RFX3: variants seen among roughly 807,000 people sequenced by gnomAD.
RFX3 encodes the protein regulatory factor X3.
Under a neutral mutation model 98.6 loss-of-function variants are expected in RFX3, and 14 were observed. That is an observed-to-expected ratio of 0.14 (90% CI 0.09 to 0.22). The LOEUF is 0.22. Ranked by LOEUF, RFX3 falls within the 10% of genes least tolerant of loss-of-function variation. RFX3 has a pLI of 1.00. For synonymous variants in RFX3, 383 were observed against 328.4 expected (o/e 1.17, Z -1.80); for missense variants, 639 against 926.9 (o/e 0.69, Z 4.03).
At chr9:3,327,969 T>C (rs1832121593) in intron 4 of RFX3, among the ~76,000 whole-genome samples, 1 of 152,152 alleles carries the variant, frequency 6.6e-6, no homozygotes, top group South Asian at 2.1e-4. Context: ...ATTAAACAAT[T>C]TGGTTAATTT....
At chr9:3,517,241 C>T (rs1431782669) in intron 1 of RFX3, among the ~76,000 whole-genome samples, 1 of 152,118 alleles carries the variant, frequency 6.6e-6, no homozygotes, top group Non-Finnish European at 1.5e-5. Flanking sequence ...GATGGAGAAA[C>T]TGAGACCTAT....
intron 2 of RFX3, among the ~76,000 whole-genome samples, chr9:3,379,531 T>A (rs1325733208): frequency 2.0e-5 from 3 of 152,094 alleles, no homozygotes; most frequent in Non-Finnish European, 4.4e-5. Flanking sequence ...TAACCTAGAA[T>A]GAAAAAGATC....
chr9:3,460,433 T>A (rs7047337), intron 1 of RFX3, among the ~76,000 whole-genome samples: 334 of 152,130 alleles, frequency 2.2e-3, no homozygotes, highest in African/African-American at 7.6e-3. Context: ...GATTTAATAT[T>A]ATTTTTTAAA....
intron 1 of RFX3, among the ~76,000 whole-genome samples, chr9:3,405,978 A>G (rs559479553): frequency 8.0e-4 from 122 of 152,006 alleles, no homozygotes; most frequent in Non-Finnish European, 1.5e-3. Context: ...TTTTTGAGAC[A>G]AGGTCTCACT....
At chr9:3,501,512 A>G (rs908565443) in intron 1 of RFX3, among the ~76,000 whole-genome samples, 2 of 151,856 alleles carry the variant, frequency 1.3e-5, no homozygotes, top group African/African-American at 4.8e-5. Flanking sequence ...GCCAAGATCA[A>G]TAAGGATGTT....
chr9:3,338,865 A>G (rs1833521292), intron 3 of RFX3, among the ~76,000 whole-genome samples: 1 of 152,324 alleles, frequency 6.6e-6, no homozygotes, highest in South Asian at 2.1e-4. Flanking sequence ...CAAGACAGGC[A>G]GATCACAAGG....
chr9:3,272,484 A>C (rs959901095), intron 9 of RFX3, among the ~76,000 whole-genome samples: 1 of 152,222 alleles, frequency 6.6e-6, no homozygotes, highest in African/African-American at 2.4e-5. Flanking sequence ...TTAAATATTG[A>C]AAATGAAGAT....
In RFX3 at chr9:3,219,762, T is replaced by C. The variant is rs1461572968; in HGVS notation, c.*5280A>G. Reference sequence around the variant, plus strand: ...GAGTTAAATTAAAACCCTTTGAGTATTGCATGTTAACACATGAGTAATTTG... The same window carrying C: ...GAGTTAAATTAAAACCCTTTGAGTACTGCATGTTAACACATGAGTAATTTG... On this transcript the variant is annotated 3_prime_UTR_variant, in exon 17 of 17. Transcript: ENST00000617270. 3.3e-5 allele frequency: 5 copies of C among 152,168 alleles called. No individual in the cohort carries two copies. The highest frequency in any genetic ancestry group is 2.1e-4 in the South Asian group (1 of 4,828). The allele number at this position is 152,168 out of a possible 1,614,324, so 9.4% of individuals were successfully genotyped here.
chr9:3,521,281 G>C (rs1818684998), intron 1 of RFX3, among the ~76,000 whole-genome samples: 1 of 152,090 alleles, frequency 6.6e-6, no homozygotes, highest in African/African-American at 2.4e-5. Flanking sequence ...GCCAGACAGT[G>C]CCAAAGATAT....
intron 1 of RFX3, among the ~76,000 whole-genome samples, chr9:3,407,766 T>C (rs1199424345): frequency 2.6e-5 from 4 of 152,168 alleles, no homozygotes; most frequent in Admixed American, 2.6e-4. Context: ...ATATCTTAAT[T>C]TCATTTCCAG....
At chr9:3,345,005 T>C in intron 3 of RFX3, 1 of 573,336 alleles carries the variant, frequency 1.7e-6, no homozygotes, top group Non-Finnish European at 3.1e-6. Context: ...TAAGCAAATG[T>C]AAATAAAACA....
In RFX3 at chr9:3,232,870, G is replaced by C. The variant is rs558283412; in HGVS notation, c.1969-3981C>G. Reference sequence around the variant, plus strand: ...AAGGGAACAGAGAGAGACAGACAGAGAGAAACACCCACACATGGAGGAAGA... The same window carrying C: ...AAGGGAACAGAGAGAGACAGACAGACAGAAACACCCACACATGGAGGAAGA... On this transcript the variant is annotated intron_variant, in intron 15 of 16. Coordinates refer to ENST00000617270, the MANE Select transcript of RFX3 (RefSeq NM_001282116.2). 3.3e-5 allele frequency among the ~76,000 whole-genome samples: 5 copies of C among 152,128 alleles called. No individual in the cohort carries two copies. The South Asian group carries it at 1.0e-3, about 32-fold the overall frequency.
intron 15 of RFX3, chr9:3,247,672 T>C: frequency 2.1e-6 from 3 of 1,450,476 alleles, no homozygotes; most frequent in Non-Finnish European, 2.7e-6. Flanking sequence ...ACATATTTAA[T>C]CCTTTCCATT....
intron 4 of RFX3, among the ~76,000 whole-genome samples, chr9:3,324,593 A>C (rs1831688078): frequency 6.7e-6 from 1 of 148,990 alleles, no homozygotes; most frequent in Admixed American, 6.7e-5. Context: ...GTGTAAAAAA[A>C]AAAAAAAGAG....
chr9:3,503,589 C>T (rs1564182124), intron 1 of RFX3, among the ~76,000 whole-genome samples: 3 of 151,908 alleles, frequency 2.0e-5, no homozygotes, highest in Non-Finnish European at 2.9e-5. Context: ...ACAGAAAACC[C>T]CATTCTAAAA....
chr9:3,470,619 C>A (rs1000734751), intron 1 of RFX3, among the ~76,000 whole-genome samples: 2 of 152,112 alleles, frequency 1.3e-5, no homozygotes, highest in Non-Finnish European at 2.9e-5. Context: ...TGAGCCACCG[C>A]ACCGGGCCAA....
In RFX3 at chr9:3,501,658, G is replaced by C. The variant is rs80151081; in HGVS notation, c.-9+24089C>G. Among the ~76,000 whole-genome samples the C allele has an allele frequency of 8.7e-5, 13 of 149,088 alleles. No individual in the cohort carries two copies. In the East Asian group the frequency reaches 2.4e-3, roughly 28 times the overall value. Reference sequence around the variant, plus strand: ...TGCAACCTCTATCTCCGAGGTTCAAGCGATTCTCGTGCCTCAGCCTCCAGA... The same window carrying C: ...TGCAACCTCTATCTCCGAGGTTCAACCGATTCTCGTGCCTCAGCCTCCAGA... On this transcript the variant is annotated intron_variant, in intron 1 of 16. Coordinates refer to ENST00000617270, the MANE Select transcript of RFX3 (RefSeq NM_001282116.2).
At chr9:3,484,881 C>G (rs1227643415) in intron 1 of RFX3, among the ~76,000 whole-genome samples, 1 of 151,538 alleles carries the variant, frequency 6.6e-6, no homozygotes, top group Non-Finnish European at 1.5e-5. Flanking sequence ...GACAGGAGTT[C>G]AAGACCAGCC....
chr9:3,499,632 C>T (rs1267362342), intron 1 of RFX3, among the ~76,000 whole-genome samples: 1 of 151,998 alleles, frequency 6.6e-6, no homozygotes, highest in Non-Finnish European at 1.5e-5. Flanking sequence ...AGTGGGTAGA[C>T]ATTAAGGGAC....
Sources: allele counts gnomAD v4.1 joint callset (sites outside exome capture counted in the v4.1 genomes callset), GRCh38; gene constraint gnomAD v4.1.1; transcripts MANE v1.5; gene names NCBI Gene and HGNC (gene_info 2026-07-23, HGNC 2026-07-21).